NAA25: variants seen among roughly 807,000 people sequenced by gnomAD.
NAA25 encodes the protein N-alpha-acetyltransferase 25, NatB auxiliary subunit.
A neutral mutation model predicts 132.5 loss-of-function variants in NAA25; 30 were observed. The ratio of observed to expected loss-of-function variants is 0.23; its 90% confidence interval spans 0.17 to 0.31. The LOEUF is 0.31. NAA25 is among the 10% of genes least tolerant of loss of function. The pLI is 1.00. For synonymous variants in NAA25, 359 were observed against 401.9 expected (o/e 0.89, Z 1.28); for missense variants, 771 against 1,150.4 (o/e 0.67, Z 4.77).
chr12:112,075,642 T>C lies in NAA25; in HGVS notation c.776+36A>G, dbSNP rs1566021136. On this transcript the variant is annotated intron_variant, in intron 8 of 23. Transcript: ENST00000261745. ...CAATAGTGAGGTCTTAAAGCCTCAC[T>C]ACAGTCAAATGGTACAAAAGAAAGC... 3.9e-6 allele frequency: 6 copies of C among 1,552,776 alleles called. No homozygotes were observed. The Admixed American group carries it at 6.8e-5, about 17-fold the overall frequency.
chr12:112,106,255 T>G (rs1212008731), intron 1 of NAA25, among the ~76,000 whole-genome samples: 1 of 152,210 alleles, frequency 6.6e-6, no homozygotes, highest in Non-Finnish European at 1.5e-5. Context: ...TGATGTGAAA[T>G]GGACATGGTG....
intron 11 of NAA25, chr12:112,063,946 T>A (rs993034846): frequency 6.6e-6 from 1 of 152,220 alleles, no homozygotes; most frequent in African/African-American, 2.4e-5. Context: ...CTCACTATGT[T>A]GTCCAGGCTG....
At position 112,071,953 on chromosome 12, in the gene NAA25, A is replaced by C. The variant is rs757130061; in HGVS notation, c.978T>G (p.Ala326=). The C allele has an allele frequency of 1.2e-6, 2 of 1,614,108 alleles. No individual in the cohort carries two copies. The highest frequency in any genetic ancestry group is 1.7e-6 in the Non-Finnish European group (2 of 1,179,996). Residue 326 remains alanine, a synonymous_variant, in exon 10 of 24, where the codon GCT becomes GCG. Transcript: ENST00000261745. The stretch of plus-strand genomic sequence containing the variant: ...GTAAACGCCTAATCAGCTCCAATTT[A>C]GCTAGATGTGGTCCTCGGAGATGGC... ...SSRHLRGPHL[A]KLELIRRLRS...
chr12:112,054,903 G>C (rs143738674), intron 13 of NAA25, among the ~76,000 whole-genome samples: 131 of 152,232 alleles, frequency 8.6e-4, no homozygotes, highest in African/African-American at 3.0e-3. Context: ...TCAGCACCTT[G>C]CCCCTGCAGG....
intron 10 of NAA25, 140 bp from the exon 11 acceptor site, chr12:112,069,132 A>C: frequency 4.9e-6 from 3 of 606,208 alleles, no homozygotes; most frequent in Non-Finnish European, 5.9e-6. Flanking sequence ...GGGTTATCTC[A>C]ACTACTTGTT....
intron 13 of NAA25, among the ~76,000 whole-genome samples, chr12:112,057,061 G>A (rs141742521): frequency 0.1 from 15,590 of 151,992 alleles, 945 homozygotes; most frequent in South Asian, 0.29. Context: ...GGTGGTGCGC[G>A]CCTGTAATCC....
intron 17 of NAA25, 137 bp downstream of exon 17, chr12:112,047,528 A>G: frequency 1.9e-6 from 2 of 1,073,200 alleles, no homozygotes; most frequent in Non-Finnish European, 2.6e-6. Context: ...CACCGTGCCC[A>G]GCCCAACCTA....
Position 112,069,002 on chromosome 12 carries a change from G to T in NAA25, c.1037-10C>A. The T allele has an allele frequency of 1.3e-6, 2 of 1,487,494 alleles. No individual in the cohort carries two copies. The highest frequency in any genetic ancestry group is 1.8e-5 in the Admixed American group (1 of 56,788). The allele number at this position is 1,487,494 out of a possible 1,614,324, so 92.1% of individuals were successfully genotyped here. On this transcript the variant is annotated splice_polypyrimidine_tract_variant and intron_variant, in intron 10 of 23. Transcript: ENST00000261745. ...AATTCTTCTGGATCACCTGGGGGAC[G>T]GGGAACAAAATCACTTTATTACTCA...
At chr12:112,044,615 A>G (rs1007110240) in intron 17 of NAA25, among the ~76,000 whole-genome samples, 1 of 152,044 alleles carries the variant, frequency 6.6e-6, no homozygotes, top group African/African-American at 2.4e-5. Context: ...GCTTGCAGTG[A>G]GCCAAGATTG....
chr12:112,057,979 C>CA (rs1021624609), intron 13 of NAA25, among the ~76,000 whole-genome samples: 3 of 151,440 alleles, frequency 2.0e-5, no homozygotes, highest in South Asian at 2.1e-4. Flanking sequence ...GACTTTGTCT[C>CA]AAAAAAAACC....
In NAA25 at chr12:112,037,712, CACA is replaced by C. The variant is rs1477304740; in HGVS notation, c.2649+1514_2649+1516del. 2.1e-5 allele frequency: 3 copies of C among 145,882 alleles called. No homozygotes were observed. The East Asian group carries it at 6.4e-4, about 31-fold the overall frequency. 9.0% of individuals were successfully genotyped at this position (145,882 alleles called of 1,614,324 possible). A position where few individuals can be genotyped will look rare whatever the true frequency, so the allele number is the denominator to read the frequency against. ...CAGATTTCATTATTTAATTATGGGA[CACA>C]ACAACATTAGTGACTCCTGATTTAA... is the stretch of plus-strand genomic sequence containing the variant. On this transcript the variant is annotated intron_variant, in intron 22 of 23. Coordinates refer to ENST00000261745, the MANE Select transcript of NAA25 (RefSeq NM_024953.4).
rs749986993 is a variant in NAA25, at chr12:112,033,393, TAA to T, written c.2650-16_2650-15del. 2.5e-6 allele frequency: 4 copies of T among 1,589,640 alleles called. No homozygotes were observed. The highest frequency in any genetic ancestry group is 1.4e-5 in the African/African-American group (1 of 73,182). On this transcript the variant is annotated splice_polypyrimidine_tract_variant and intron_variant, in intron 22 of 23. Transcript: ENST00000261745. ...AAAGACAGGTGGCTGGGAAAAAGAT[TAA>T]AAAAGAGTTGAAACATTATCAAACA... is the stretch of plus-strand genomic sequence containing the variant.
At chr12:112,074,806 T>G (rs1392872411) in intron 8 of NAA25, 42 bp from the exon 9 acceptor site, 1 of 1,265,044 alleles carries the variant, frequency 7.9e-7, no homozygotes, top group Non-Finnish European at 1.1e-6. Flanking sequence ...TAAACCCAAG[T>G]TGTGACAGAT....
At chr12:112,051,184 G>A (rs1243380578) in intron 15 of NAA25, among the ~76,000 whole-genome samples, 1 of 152,098 alleles carries the variant, frequency 6.6e-6, no homozygotes, top group Admixed American at 6.6e-5. Context: ...TCAACATTAA[G>A]GTCAAGCTAC....
chr12:112,049,299 CAGG>C lies in NAA25; in HGVS notation c.1729-859_1729-857del, dbSNP rs2078429759. The stretch of plus-strand genomic sequence containing the variant: ...GGTCTATGCCATCAGGATCAGAAGA[CAGG>C]AGATTACCCCTTTGGGCCAAGGAAA... On this transcript the variant is annotated intron_variant, in intron 15 of 23. Transcript: ENST00000261745. This position sits in a 1 kb window ranked among gnomAD's most constrained non-coding sequence, Gnocchi z 4.7. Among the ~76,000 whole-genome samples the C allele has an allele frequency of 2.0e-5, 3 of 152,172 alleles. No individual in the cohort carries two copies. Among genetic ancestry groups the C allele is most frequent in the Non-Finnish European group, 4.4e-5 (3 of 68,032 alleles).
At chr12:112,065,167 C>T (rs1020980217) in intron 11 of NAA25, among the ~76,000 whole-genome samples, 5 of 152,134 alleles carry the variant, frequency 3.3e-5, no homozygotes, top group Admixed American at 6.6e-5. Flanking sequence ...TCAAGACCAG[C>T]CTGGCCAACA....
chr12:112,033,910 A>T (rs1207242704), intron 22 of NAA25: 1 of 152,174 alleles, frequency 6.6e-6, no homozygotes, highest in African/African-American at 2.4e-5. Flanking sequence ...TTGGACAAAG[A>T]ATAGAAGACA....
chr12:112,101,807 T>G (rs1448266219), intron 1 of NAA25, among the ~76,000 whole-genome samples: 1 of 150,582 alleles, frequency 6.6e-6, no homozygotes, highest in Non-Finnish European at 1.5e-5. Context: ...CAACAGGAAG[T>G]TCAAAGAACC....
At chr12:112,102,590 T>C (rs1167536473) in intron 1 of NAA25, among the ~76,000 whole-genome samples, 3 of 152,160 alleles carry the variant, frequency 2.0e-5, no homozygotes, top group Non-Finnish European at 4.4e-5. Flanking sequence ...TGTTTTGACA[T>C]AGAATCTTGC....
Sources: allele counts gnomAD v4.1 joint callset (sites outside exome capture counted in the v4.1 genomes callset), GRCh38; gene constraint gnomAD v4.1.1; non-coding constraint Gnocchi (gnomAD v3.1); transcripts MANE v1.5; gene names NCBI Gene and HGNC (gene_info 2026-07-23, HGNC 2026-07-21).